The following DLX1 variants were observed in gnomAD, a reference collection of about 807,000 sequenced individuals.
The protein encoded by DLX1 is distal-less homeobox 1, also known as homeobox protein DLX-1.
DLX1 carries 7 observed loss-of-function variants against 25.0 expected under a neutral mutation model. That is an observed-to-expected ratio of 0.28 (90% confidence interval 0.16 to 0.52). The LOEUF is 0.52. Ranked by LOEUF, DLX1 falls within the 20% of genes least tolerant of loss-of-function variation. The pLI, the probability that DLX1 is intolerant of heterozygous loss-of-function variation, is 0.96. For synonymous variants in DLX1, 155 were observed against 140.3 expected (o/e 1.10, Z -0.74); for missense variants, 233 against 334.4 (o/e 0.70, Z 2.37).
chr2:172,087,189 C>T (rs1402310893), intron 2 of DLX1: 2 of 521,842 alleles, frequency 3.8e-6, no homozygotes, highest in Non-Finnish European at 3.7e-6. Context: ...GGGCTTAATC[C>T]CTCCTTTGCC....
chr2:172,087,861 C>T (rs1690874697), intron 2 of DLX1, 142 bp from the exon 3 acceptor site: 3 of 1,253,342 alleles, frequency 2.4e-6, no homozygotes, highest in Non-Finnish European at 1.1e-6. Context: ...AGGGATGTCT[C>T]TGCTTCTCTG....
rs1690895591 is a variant in DLX1 at position 172,088,161 on chromosome 2, G to A, written c.672G>A (p.Lys224=). 1.9e-6 allele frequency: 3 copies of A among 1,610,398 alleles called. No homozygotes were observed. The highest frequency in any genetic ancestry group is 1.7e-6 in the Non-Finnish European group (2 of 1,178,128). The change falls in exon 3 of 3, where the codon AAG becomes AAA. Residue 224 remains lysine, a synonymous_variant. Coordinates refer to ENST00000361725, the MANE Select transcript of DLX1 (RefSeq NM_178120.5). ...PGWNPNSSSG[K]GSGGNAGSYI... is the part of the protein sequence containing the mutation. ...GGAACCCTAACTCTTCATCCGGGAA[G>A]GGCTCAGGAGGAAACGCGGGCTCCT...
chr2:172,088,405 C>A lies in DLX1; in HGVS notation c.*148C>A. The A allele has an allele frequency of 2.7e-6, 3 of 1,106,040 alleles. No homozygotes were observed. Among genetic ancestry groups the A allele is most frequent in the East Asian group, 3.1e-5 (1 of 32,690 alleles). The allele number at this position is 1,106,040 out of a possible 1,614,324, so 68.5% of individuals were successfully genotyped here. ...CCATCTCCTCGGAGCCCCGCGAGGTCCGGCCCAGCAACTTCCCGGCATCCG... is the reference window on the plus strand; with the variant it reads ...CCATCTCCTCGGAGCCCCGCGAGGTACGGCCCAGCAACTTCCCGGCATCCG... On this transcript the variant is annotated 3_prime_UTR_variant, in exon 3 of 3. Transcript: ENST00000361725.
chr2:172,085,544 C>T lies in DLX1; in HGVS notation c.-134C>T. The T allele has an allele frequency of 1.1e-6, 1 of 934,954 alleles. No individual in the cohort carries two copies. Among genetic ancestry groups the T allele is most frequent in the Middle Eastern group, 2.3e-4 (1 of 4,438 alleles). The allele number at this position is 934,954 out of a possible 1,614,324, so 57.9% of individuals were successfully genotyped here. On this transcript the variant is annotated 5_prime_UTR_variant, in exon 1 of 3. Transcript: ENST00000361725. This position sits in a 1 kb window ranked among gnomAD's most constrained non-coding sequence, Gnocchi z 4.3. Reference sequence around the variant, plus strand: ...CTTAGACTTTTCAAAGAGACAAACTCCATTTTCTTATGAATGGAAAGTGAA... The same window carrying T: ...CTTAGACTTTTCAAAGAGACAAACTTCATTTTCTTATGAATGGAAAGTGAA...
Position 172,086,823 on chromosome 2 carries a change from C to T in DLX1, c.483C>T (p.Leu161=), listed in dbSNP as rs767131570. The T allele has an allele frequency of 5.6e-6, 9 of 1,614,232 alleles. No homozygotes were observed. The South Asian group carries it at 9.9e-5, about 18-fold the overall frequency. ...QYLALPERAE[L]AASLGLTQTQ... is the part of the protein sequence containing the mutation. The stretch of plus-strand genomic sequence containing the variant: ...TAGCTCTGCCGGAGAGGGCGGAGCT[C>T]GCGGCCTCTTTGGGACTCACACAGA... The change falls in exon 2 of 3, where the codon CTC becomes CTT. Residue 161 remains leucine, a synonymous_variant. Coordinates refer to ENST00000361725, the MANE Select transcript of DLX1 (RefSeq NM_178120.5).
At position 172,088,266 on chromosome 2, in the gene DLX1, G is replaced by T. The variant is rs773980605; in HGVS notation, c.*9G>T. ...AACCCCAACTTATGTGAGGTTGCCCGCCCGTCTCCTTCTTGTCTCCCCGGC... is the reference window on the plus strand; with the variant it reads ...AACCCCAACTTATGTGAGGTTGCCCTCCCGTCTCCTTCTTGTCTCCCCGGC... On this transcript the variant is annotated 3_prime_UTR_variant, in exon 3 of 3. Transcript: ENST00000361725. The T allele has an allele frequency of 5.5e-6, 8 of 1,450,748 alleles. No homozygotes were observed. The highest frequency in any genetic ancestry group is 3.0e-5 in the South Asian group (2 of 67,750). 89.9% of individuals were successfully genotyped at this position (1,450,748 alleles called of 1,614,324 possible).
chr2:172,088,258 G>A lies in DLX1; in HGVS notation c.*1G>A. Reference sequence around the variant, plus strand: ...TATGCAGCAACCCCAACTTATGTGAGGTTGCCCGCCCGTCTCCTTCTTGTC... The same window carrying A: ...TATGCAGCAACCCCAACTTATGTGAAGTTGCCCGCCCGTCTCCTTCTTGTC... On this transcript the variant is annotated 3_prime_UTR_variant, in exon 3 of 3. Coordinates refer to ENST00000361725, the MANE Select transcript of DLX1 (RefSeq NM_178120.5). 1.4e-6 allele frequency: 2 copies of A among 1,466,876 alleles called. No homozygotes were observed. The highest frequency in any genetic ancestry group is 1.8e-6 in the Non-Finnish European group (2 of 1,100,808). 90.9% of individuals were successfully genotyped at this position (1,466,876 alleles called of 1,614,324 possible). A position where few individuals can be genotyped will look rare whatever the true frequency, so the allele number is the denominator to read the frequency against.
In DLX1 at chr2:172,088,099, G is replaced by T; in HGVS notation, c.610G>T (p.Ala204Ser). ...LEGSALANGR[A>S]LSAGSPPVPP... ...GGGTAGTGCGTTGGCCAACGGTCGG[G>T]CCCTGTCTGCTGGCTCCCCACCCGT... The change falls in exon 3 of 3, where the codon GCC becomes TCC. Residue 204 changes from alanine to serine, a missense_variant. Physicochemically the swap from Ala to Ser is moderately conservative, Grantham distance 99. This residue lies in a region of DLX1 where 84 missense variants were observed against 81.8 expected (regional missense o/e 1.03). Coordinates refer to ENST00000361725, the MANE Select transcript of DLX1 (RefSeq NM_178120.5). 1 of 1,604,472 alleles carries T rather than the reference G, an allele frequency of 6.2e-7. No homozygotes were observed. The highest frequency in any genetic ancestry group is 2.3e-5 in the East Asian group (1 of 44,358).
chr2:172,087,125 T>C (rs1690858941), intron 2 of DLX1: 2 of 676,558 alleles, frequency 3.0e-6, no homozygotes, highest in Admixed American at 2.1e-5. Context: ...CCCAGACGAT[T>C]TGTTTGGGAA....
chr2:172,088,084 T>C lies in DLX1; in HGVS notation c.595T>C (p.Leu199=). ...QGGAALEGSA[L]ANGRALSAGS... ...TGGGGCGGCTCTGGAGGGTAGTGCG[T>C]TGGCCAACGGTCGGGCCCTGTCTGC... The change falls in exon 3 of 3, where the codon TTG becomes CTG. Residue 199 remains leucine, a synonymous_variant. Coordinates refer to ENST00000361725, the MANE Select transcript of DLX1 (RefSeq NM_178120.5). The C allele has an allele frequency of 6.3e-7, 1 of 1,591,930 alleles. No individual in the cohort carries two copies. The highest frequency in any genetic ancestry group is 1.1e-5 in the South Asian group (1 of 88,398).
chr2:172,087,855 A>G (rs1472617137), intron 2 of DLX1, 148 bp from the exon 3 acceptor site: 1 of 1,174,738 alleles, frequency 8.5e-7, no homozygotes, highest in Non-Finnish European at 1.2e-6. Context: ...GGAAGGAGGG[A>G]TGTCTCTGCT....
At chr2:172,086,509 AC>A in intron 1 of DLX1, 144 bp from the exon 2 acceptor site, 1 of 785,542 alleles carries the variant, frequency 1.3e-6, no homozygotes, top group East Asian at 2.9e-5. Flanking sequence ...ATTTTGGGGG[AC>A]CCTTCCCTGG....
chr2:172,085,990 G>C lies in DLX1; in HGVS notation c.313G>C (p.Gly105Arg). ...SLAQSRLEDP[G>R]ADSEKSTVVE... ...CGCCCAGAGCCGCCTGGAGGACCCA[G>C]GTACGTGCGCTTGCCAGGGAGAGGG... The change falls in exon 1 of 3, where the codon GGG (glycine) becomes CGG (arginine). Residue 105 changes from glycine (G) to arginine (R), a missense_variant and splice_region_variant. Physicochemically the swap from Gly to Arg is moderately radical, Grantham distance 125 (BLOSUM62 -2). Coordinates refer to ENST00000361725, the MANE Select transcript of DLX1 (RefSeq NM_178120.5). The surrounding 1 kb of genome is among the most constrained non-coding windows in gnomAD (Gnocchi z 4.3). The C allele has an allele frequency of 6.2e-7, 1 of 1,608,478 alleles. No homozygotes were observed. Among genetic ancestry groups the C allele is most frequent in the Non-Finnish European group, 8.5e-7 (1 of 1,176,280 alleles).
At position 172,086,712 on chromosome 2, in the gene DLX1, G is replaced by A; in HGVS notation, c.372G>A (p.Lys124=). ...GCGGTGAAGTGCGCTTCAATGGCAA[G>A]GGAAAAAAGATCCGTAAACCCAGGA... ...VEGGEVRFNG[K]GKKIRKPRTI... is the part of the protein sequence containing the mutation. The change falls in exon 2 of 3, where the codon AAG becomes AAA. Residue 124 remains lysine, a synonymous_variant. Transcript: ENST00000361725. 1 of 1,579,378 alleles carries A rather than the reference G, an allele frequency of 6.3e-7. No individual in the cohort carries two copies.
chr2:172,086,126 C>A, intron 1 of DLX1, 136 bp downstream of exon 1: 1 of 656,602 alleles, frequency 1.5e-6, no homozygotes, highest in East Asian at 2.9e-5. Context: ...GTGGGGAGGG[C>A]GCGGGAGCAG....
At position 172,087,258 on chromosome 2, in the gene DLX1, T is replaced by G. The variant is rs926546877; in HGVS notation, c.513+405T>G. On this transcript the variant is annotated intron_variant, in intron 2 of 2. Coordinates refer to ENST00000361725, the MANE Select transcript of DLX1 (RefSeq NM_178120.5). ...GTCCGCGCCTCAGCCTCCCTCCTCC[T>G]CCTCCTTCTTACCGGTTGGGGGTGG... 4.4e-4 allele frequency: 174 copies of G among 391,780 alleles called. 1 individual carries two copies. The highest frequency in any genetic ancestry group is 3.3e-3 in the African/African-American group (159 of 47,946). The allele number at this position is 391,780 out of a possible 1,614,324, so 24.3% of individuals were successfully genotyped here.
In DLX1 at chr2:172,085,614, CAT is replaced by C. The variant is rs1690820137; in HGVS notation, c.-62_-61del. The stretch of plus-strand genomic sequence containing the variant: ...TTGGGTTCCTTCCTGTCCTGAGAAA[CAT>C]AGAGACCCCCAAAAGGGAAGCAGAG... On this transcript the variant is annotated 5_prime_UTR_variant, in exon 1 of 3. Transcript: ENST00000361725. This position sits in a 1 kb window ranked among gnomAD's most constrained non-coding sequence, Gnocchi z 4.3. The C allele has an allele frequency of 6.5e-7, 1 of 1,526,838 alleles. No homozygotes were observed. The highest frequency in any genetic ancestry group is 8.9e-7 in the Non-Finnish European group (1 of 1,129,910). 94.6% of individuals were successfully genotyped at this position (1,526,838 alleles called of 1,614,324 possible). A position where few individuals can be genotyped will look rare whatever the true frequency, so the allele number is the denominator to read the frequency against.
chr2:172,087,625 T>C (rs1393851870), intron 2 of DLX1: 1 of 492,288 alleles, frequency 2.0e-6, no homozygotes, highest in Non-Finnish European at 4.0e-6. Context: ...TCGATTCTTT[T>C]TATTGATGTT....
intron 2 of DLX1, among the ~76,000 whole-genome samples, chr2:172,087,772 G>C (rs1210095328): frequency 6.6e-6 from 1 of 152,142 alleles, no homozygotes; most frequent in Non-Finnish European, 1.5e-5. Flanking sequence ...CTGGCTCTCT[G>C]AGAGCTGCCC....
Sources: gnomAD v4.1 joint callset for allele counts (sites outside exome capture counted in the v4.1 genomes callset) on GRCh38, gnomAD v4.1.1 for gene constraint, gnomAD v4.1.1 regional missense constraint, Gnocchi (gnomAD v3.1) non-coding constraint, MANE v1.5 for transcripts, NCBI Gene and HGNC (gene_info 2026-07-23, HGNC 2026-07-21) for gene names.